The following CFAP54 variants were observed in gnomAD, a reference collection of about 807,000 sequenced individuals.
The protein encoded by CFAP54 is cilia- and flagella-associated protein 54.
A neutral mutation model predicts 370.4 loss-of-function variants in CFAP54; 290 were observed. That is an observed-to-expected ratio of 0.78 (90% CI 0.71 to 0.86). The LOEUF is 0.86. Ranked by LOEUF, CFAP54 falls within the 40% of genes least tolerant of loss-of-function variation. The pLI is 0.00. For missense variants in CFAP54, 3,399 were observed against 3,528.7 expected (o/e 0.96, Z 0.93); for synonymous variants, 1,206 against 1,236.5 (o/e 0.98, Z 0.52).
chr12:96,743,696 C>T (rs371370238), intron 53 of CFAP54, 35 bp from the exon 54 acceptor site: 13 of 1,556,780 alleles, frequency 8.4e-6, no homozygotes, highest in Non-Finnish European at 1.1e-5. Flanking sequence ...GAATTGGAAA[C>T]AGTACTATCA....
At chr12:96,528,963 T>A (rs1266016971) in intron 9 of CFAP54, among the ~76,000 whole-genome samples, 1 of 152,208 alleles carries the variant, frequency 6.6e-6, no homozygotes, top group African/African-American at 2.4e-5. Flanking sequence ...AGTTTTGATA[T>A]ATCATATCTT....
chr12:96,581,951 C>A (rs1183346158), intron 22 of CFAP54, among the ~76,000 whole-genome samples: 1 of 152,022 alleles, frequency 6.6e-6, no homozygotes, highest in Admixed American at 6.6e-5. Context: ...CTATGATGCC[C>A]AACTTTGTAT....
intron 26 of CFAP54, among the ~76,000 whole-genome samples, chr12:96,617,183 G>A (rs1956428704): frequency 6.6e-6 from 1 of 152,146 alleles, no homozygotes; most frequent in African/African-American, 2.4e-5. Flanking sequence ...TGGGGAGAAG[G>A]TAATGAGTTT....
In CFAP54 at chr12:96,835,623, A is replaced by G. The variant is rs568496657; in HGVS notation, c.9171+6535A>G. On this transcript the variant is annotated intron_variant, in intron 66 of 67. Transcript: ENST00000524981. ...CAGCAAGGAGAAGCCAGGCAGTGGG[A>G]GCAGGCACTTCCAAGACTTCCCGGG... Among the ~76,000 whole-genome samples the G allele has an allele frequency of 1.5e-3, 225 of 152,264 alleles. 1 individual carries two copies. The highest frequency in any genetic ancestry group is 5.1e-3 in the African/African-American group (211 of 41,564).
chr12:96,499,425 A>T (rs1382350466), intron 1 of CFAP54, among the ~76,000 whole-genome samples: 1 of 152,178 alleles, frequency 6.6e-6, no homozygotes, highest in Non-Finnish European at 1.5e-5. Context: ...GATACCCTAC[A>T]TGCCTATTAG....
At chr12:96,730,819 A>G (rs990638175) in intron 50 of CFAP54, among the ~76,000 whole-genome samples, 11 of 152,232 alleles carry the variant, frequency 7.2e-5, no homozygotes, top group Admixed American at 6.5e-4. Flanking sequence ...TCTCATCAGT[A>G]TAAGCCTACA....
intron 66 of CFAP54, among the ~76,000 whole-genome samples, chr12:96,850,765 A>G (rs1959519431): frequency 2.0e-5 from 3 of 152,320 alleles, no homozygotes; most frequent in Non-Finnish European, 2.9e-5. Flanking sequence ...GCAAAGGGGA[A>G]TCAAGCAAGA....
At chr12:96,825,525 T>C (rs1314892096) in intron 65 of CFAP54, among the ~76,000 whole-genome samples, 9 of 110,166 alleles carry the variant, frequency 8.2e-5, no homozygotes, top group Non-Finnish European at 1.5e-4. Context: ...TAACATATTA[T>C]ATATTATTTA....
chr12:96,583,322 T>C (rs565126266), intron 22 of CFAP54, among the ~76,000 whole-genome samples: 16 of 152,294 alleles, frequency 1.1e-4, no homozygotes, highest in African/African-American at 3.6e-4. Context: ...ATCATATAAA[T>C]GTAGAAGAGT....
chr12:96,674,338 T>TTC (rs1357856233), intron 39 of CFAP54, among the ~76,000 whole-genome samples: 1 of 137,506 alleles, frequency 7.3e-6, no homozygotes, highest in Non-Finnish European at 1.5e-5. Context: ...ATGTTTTTCT[T>TTC]TTTTTTTTTT....
chr12:96,858,127 A>G (rs1438612216), intron 66 of CFAP54, among the ~76,000 whole-genome samples: 1 of 152,166 alleles, frequency 6.6e-6, no homozygotes, highest in Admixed American at 6.5e-5. Context: ...TCCCACCAAC[A>G]GTGTATAATG....
At chr12:96,673,664 A>G (rs1010022334) in intron 39 of CFAP54, among the ~76,000 whole-genome samples, 4 of 152,174 alleles carry the variant, frequency 2.6e-5, no homozygotes, top group Admixed American at 6.5e-5. Flanking sequence ...GTTGGGTCTT[A>G]TGTATGTCAT....
intron 34 of CFAP54, 114 bp downstream of exon 34, chr12:96,648,131 G>A (rs1056558386): frequency 1.4e-6 from 1 of 702,504 alleles, no homozygotes; most frequent in Non-Finnish European, 2.0e-6. Context: ...GTTTTCCAAA[G>A]GACCAGCAAT....
chr12:96,738,667 A>T (rs1195725113), intron 50 of CFAP54, among the ~76,000 whole-genome samples: 1 of 143,662 alleles, frequency 7.0e-6, no homozygotes, highest in East Asian at 2.1e-4. Context: ...CTGGAGTTCA[A>T]TGGAGTGATC....
intron 67 of CFAP54, among the ~76,000 whole-genome samples, chr12:96,864,016 G>A (rs934354341): frequency 1.3e-5 from 2 of 152,140 alleles, no homozygotes; most frequent in African/African-American, 2.4e-5. Flanking sequence ...AGGCGGTAAG[G>A]AAATGATGAT....
chr12:96,528,978 A>G (rs559896504), intron 9 of CFAP54, among the ~76,000 whole-genome samples: 86 of 152,274 alleles, frequency 5.6e-4, no homozygotes, highest in African/African-American at 1.7e-3. Context: ...TATCTTTATT[A>G]CTATTGGAGT....
Position 96,816,335 on chromosome 12 carries a change from G to A in CFAP54, c.8958-1440G>A, listed in dbSNP as rs545346055. ...ATTCTCTTTGAAGCAATTGTGAATGGGAGTTCACTCATGATTTGGCTCTCT... is the reference window on the plus strand; with the variant it reads ...ATTCTCTTTGAAGCAATTGTGAATGAGAGTTCACTCATGATTTGGCTCTCT... On this transcript the variant is annotated intron_variant, in intron 64 of 67. Transcript: ENST00000524981. Among the ~76,000 whole-genome samples, 8 of 152,204 alleles carry A rather than the reference G, an allele frequency of 5.3e-5. No individual in the cohort carries two copies. In the East Asian group the frequency reaches 1.2e-3, roughly 22 times the overall value.
chr12:96,811,267 G>T (rs906027448), intron 63 of CFAP54, among the ~76,000 whole-genome samples: 7 of 152,166 alleles, frequency 4.6e-5, no homozygotes, highest in Non-Finnish European at 1.0e-4. Context: ...ATCAAGGGAC[G>T]TTTCATCTTA....
chr12:96,630,463 CAA>C (rs1236820739), intron 31 of CFAP54, 86 bp from the exon 32 acceptor site: 55 of 722,760 alleles, frequency 7.6e-5, no homozygotes, highest in Middle Eastern at 4.0e-4. Flanking sequence ...ATTTCAATGT[CAA>C]GAGATAAGCA....
Sources: allele counts gnomAD v4.1 joint callset (sites outside exome capture counted in the v4.1 genomes callset), GRCh38; gene constraint gnomAD v4.1.1; transcripts MANE v1.5; gene names NCBI Gene and HGNC (gene_info 2026-07-23, HGNC 2026-07-21).